SEMA3A: variants seen among roughly 807,000 people sequenced by gnomAD.
SEMA3A encodes semaphorin 3A.
A neutral mutation model predicts 97.9 loss-of-function variants in SEMA3A; 29 were observed. That is an observed-to-expected ratio of 0.30 (90% CI 0.22 to 0.40). The LOEUF (loss-of-function observed/expected upper bound fraction) is 0.40. SEMA3A is among the 10% of genes least tolerant of loss of function. The pLI, the probability that SEMA3A is intolerant of heterozygous loss-of-function variation, is 1.00. For missense variants in SEMA3A, 763 were observed against 951.3 expected, an observed-to-expected ratio of 0.80 and a Z score of 2.60; for synonymous variants, 321 against 323.7, an observed-to-expected ratio of 0.99 and a Z score of 0.09.
At chr7:84,115,505 T>C (rs1795397555) in intron 3 of SEMA3A, among the ~76,000 whole-genome samples, 1 of 152,160 alleles carries the variant, frequency 6.6e-6, no homozygotes, top group African/African-American at 2.4e-5. Flanking sequence ...GCTGTGATTT[T>C]CTTTTATTTA....
chr7:84,229,855 C>T (rs1242504119), intron 3 of SEMA3A, among the ~76,000 whole-genome samples: 2 of 151,876 alleles, frequency 1.3e-5, no homozygotes, highest in East Asian at 3.9e-4. Context: ...AAAATAAAAA[C>T]AATTGTAGTA....
chr7:84,204,074 C>T (rs369897612), intron 3 of SEMA3A, among the ~76,000 whole-genome samples: 1 of 152,220 alleles, frequency 6.6e-6, no homozygotes, highest in East Asian at 1.9e-4. Flanking sequence ...AGCCGGCGGA[C>T]TATCACAGTA....
At chr7:84,126,843 C>A (rs1795813974) in intron 3 of SEMA3A, among the ~76,000 whole-genome samples, 1 of 152,116 alleles carries the variant, frequency 6.6e-6, no homozygotes, top group Non-Finnish European at 1.5e-5. Context: ...GAAGCTAAAG[C>A]CCAAAGAAAG....
chr7:84,218,129 T>G (rs905105853), intron 3 of SEMA3A, among the ~76,000 whole-genome samples: 2 of 152,156 alleles, frequency 1.3e-5, no homozygotes, highest in African/African-American at 4.8e-5. Flanking sequence ...TACATTTGTA[T>G]AGTAGAATTT....
intron 2 of SEMA3A, among the ~76,000 whole-genome samples, chr7:84,335,562 T>C (rs1239198921): frequency 6.6e-6 from 1 of 152,142 alleles, no homozygotes; most frequent in Non-Finnish European, 1.5e-5. Flanking sequence ...GATTATGCAA[T>C]TCACATTTTC....
chr7:84,344,088 A>G (rs571005763), intron 2 of SEMA3A, among the ~76,000 whole-genome samples: 122 of 152,348 alleles, frequency 8.0e-4, no homozygotes, highest in African/African-American at 2.6e-3. Context: ...TACAAAAAAT[A>G]CATTAATACT....
At chr7:84,317,075 A>G (rs756329729) in intron 2 of SEMA3A, among the ~76,000 whole-genome samples, 1 of 152,132 alleles carries the variant, frequency 6.6e-6, no homozygotes, top group Non-Finnish European at 1.5e-5. Flanking sequence ...TATGGACCCT[A>G]AAAACTCTTT....
intron 6 of SEMA3A, among the ~76,000 whole-genome samples, chr7:84,043,295 A>G (rs1488947623): frequency 6.6e-6 from 1 of 152,066 alleles, no homozygotes; most frequent in Non-Finnish European, 1.5e-5. Flanking sequence ...TGGCATTATC[A>G]TATAAATTTT....
chr7:84,063,919 C>G (rs1324621826), intron 4 of SEMA3A, among the ~76,000 whole-genome samples: 1 of 150,372 alleles, frequency 6.7e-6, no homozygotes, highest in African/African-American at 2.5e-5. Context: ...ATACAGAGAA[C>G]GCCACAAAGA....
intron 1 of SEMA3A, among the ~76,000 whole-genome samples, chr7:84,396,267 G>A (rs1355002329): frequency 6.6e-6 from 1 of 151,254 alleles, no homozygotes; most frequent in African/African-American, 2.4e-5. Flanking sequence ...ATTTTATCCT[G>A]GAAAAAGATC....
intron 6 of SEMA3A, among the ~76,000 whole-genome samples, chr7:84,028,215 T>G (rs961773621): frequency 6.6e-6 from 1 of 152,216 alleles, no homozygotes; most frequent in African/African-American, 2.4e-5. Flanking sequence ...TTAACTTTCC[T>G]GTATTTGAAA....
intron 12 of SEMA3A, among the ~76,000 whole-genome samples, chr7:84,001,001 C>A: frequency 6.6e-6 from 1 of 151,692 alleles, no homozygotes; most frequent in Admixed American, 6.6e-5. Context: ...TAAATGAGAT[C>A]ACTTGAAGTT....
intron 3 of SEMA3A, among the ~76,000 whole-genome samples, chr7:84,213,912 C>T (rs1160412411): frequency 6.6e-6 from 1 of 152,092 alleles, no homozygotes; most frequent in Non-Finnish European, 1.5e-5. Flanking sequence ...GGGCTATGGC[C>T]CTCAACACGA....
At chr7:84,387,081 G>C (rs1310739878) in intron 1 of SEMA3A, among the ~76,000 whole-genome samples, 4 of 152,034 alleles carry the variant, frequency 2.6e-5, no homozygotes, top group African/African-American at 9.7e-5. Flanking sequence ...GAGGTTAAAA[G>C]AGATAATTTG....
In SEMA3A at chr7:83,985,436, C is replaced by T. The variant is rs1223935553; in HGVS notation, c.1494G>A (p.Gln498=). The change falls in exon 13 of 17, where the codon CAG becomes CAA. Residue 498 remains glutamine (Q), a splice_region_variant and synonymous_variant. Transcript: ENST00000265362. ...CAATGGTAATACATAATGATAGTAC[C>T]TGCTTAGTGGAAAGCTCCATTGCTG... ...AISAMELSTK[Q]QQLYIGSTAG... 3 of 1,605,438 alleles carry T rather than the reference C, an allele frequency of 1.9e-6. No individual in the cohort carries two copies. Among genetic ancestry groups the T allele is most frequent in the Non-Finnish European group, 2.6e-6 (3 of 1,173,226 alleles).
intron 1 of SEMA3A, chr7:84,372,244 A>T (rs1802993598): frequency 6.6e-6 from 1 of 152,072 alleles, no homozygotes; most frequent in African/African-American, 2.4e-5. Context: ...TCGCCCTCTT[A>T]ACTGCTTTGG....
chr7:84,375,127 C>T (rs1025062342), intron 1 of SEMA3A, among the ~76,000 whole-genome samples: 3 of 152,112 alleles, frequency 2.0e-5, no homozygotes, highest in Admixed American at 6.5e-5. Context: ...TCAAGCTATT[C>T]TCCTGCCTCA....
chr7:84,464,112 C>T (rs1385949858), intron 1 of SEMA3A, among the ~76,000 whole-genome samples: 2 of 152,144 alleles, frequency 1.3e-5, no homozygotes, highest in Non-Finnish European at 2.9e-5. Flanking sequence ...AACTAGAATT[C>T]CTTTTAAGCT....
intron 4 of SEMA3A, among the ~76,000 whole-genome samples, chr7:84,095,406 G>A (rs1485147657): frequency 2.7e-5 from 3 of 111,456 alleles, no homozygotes; most frequent in Non-Finnish European, 5.5e-5. Flanking sequence ...GAAAACATTT[G>A]TAGGAAACTC....
Sources: allele counts gnomAD v4.1 joint callset (sites outside exome capture counted in the v4.1 genomes callset), GRCh38; gene constraint gnomAD v4.1.1; transcripts MANE v1.5; gene names NCBI Gene and HGNC (gene_info 2026-07-23, HGNC 2026-07-21).